PIGN: variants seen among roughly 807,000 people sequenced by gnomAD.
PIGN encodes the protein phosphatidylinositol glycan anchor biosynthesis class N.
PIGN carries 117 observed loss-of-function variants against 125.4 expected under a neutral mutation model. That is an observed-to-expected ratio of 0.93 (90% confidence interval 0.80 to 1.09). PIGN has a LOEUF of 1.09. Among genes scored for constraint, PIGN ranks in the 50% least tolerant of loss-of-function variants. The pLI is 0.00. For synonymous variants in PIGN, 392 were observed against 377.8 expected (o/e 1.04, Z -0.44); for missense variants, 1,075 against 1,094.9 (o/e 0.98, Z 0.26).
intron 22 of PIGN, among the ~76,000 whole-genome samples, chr18:62,099,900 G>A (rs893848455): frequency 6.6e-6 from 1 of 152,082 alleles, no homozygotes; most frequent in Non-Finnish European, 1.5e-5. Flanking sequence ...CAGGACAGTA[G>A]TCTGACAAAG....
chr18:62,148,269 A>C lies in PIGN; in HGVS notation c.619T>G (p.Phe207Val). The part of the protein sequence containing the change: ...SKINEEKIVF[F>V]LHLLGIDTNG... ...GTATCTATTCCTAATAAATGTAAGA[A>C]AAAAACTATTTTCTCTTCATTTATT... Residue 207 changes from phenylalanine (F) to valine (V), a missense_variant, in exon 8 of 31, where the codon TTC becomes GTC. Coordinates refer to ENST00000640252, the MANE Select transcript of PIGN (RefSeq NM_176787.5). 1 of 1,538,206 alleles carries C rather than the reference A, an allele frequency of 6.5e-7. No individual in the cohort carries two copies. Among genetic ancestry groups the C allele is most frequent in the Non-Finnish European group, 8.8e-7 (1 of 1,139,618 alleles).
At chr18:62,127,749 G>A (rs2035589923) in intron 14 of PIGN, among the ~76,000 whole-genome samples, 1 of 151,954 alleles carries the variant, frequency 6.6e-6, no homozygotes, top group Non-Finnish European at 1.5e-5. Context: ...GGAACGCAGT[G>A]GTGTGACTGA....
rs2030408192 is a variant in PIGN at position 62,042,293 on chromosome 18, C to A, written c.*3563G>T. The A allele has an allele frequency of 6.6e-6, 1 of 151,864 alleles. No individual in the cohort carries two copies. The highest frequency in any genetic ancestry group is 1.5e-5 in the Non-Finnish European group (1 of 67,982). The allele number at this position is 151,864 out of a possible 1,614,324, so 9.4% of individuals were successfully genotyped here. A position where few individuals can be genotyped will look rare whatever the true frequency, so the allele number is the denominator to read the frequency against. ...CTGACATTGCGCCACTGCATTCCAG[C>A]CTTGGCGAGAGAGCCAGAGTCTGTC... On this transcript the variant is annotated 3_prime_UTR_variant, in exon 31 of 31. Coordinates refer to ENST00000640252, the MANE Select transcript of PIGN (RefSeq NM_176787.5).
chr18:62,128,176 A>G (rs921188319), intron 14 of PIGN, among the ~76,000 whole-genome samples: 1 of 152,210 alleles, frequency 6.6e-6, no homozygotes, highest in Non-Finnish European at 1.5e-5. Flanking sequence ...TCACTATACT[A>G]TTCATGACAT....
rs2036038544 is a variant in PIGN, at chr18:62,139,042, C to A, written c.1057G>T (p.Asp353Tyr). ...ILPVDYLNNTDLFKAESMFTN... is the reference protein window; with the variant it reads ...ILPVDYLNNTYLFKAESMFTN... ...AACATGCTCTCTGCTTTGAAGAGAT[C>A]AGTGTTGTTAAGATAATCCACAGGA... Residue 353 changes from aspartate (D) to tyrosine (Y), a missense_variant, in exon 13 of 31, where the codon GAT becomes TAT. Physicochemically the swap from Asp to Tyr is radical, Grantham distance 160 (BLOSUM62 -3). Coordinates refer to ENST00000640252, the MANE Select transcript of PIGN (RefSeq NM_176787.5). 1 of 1,607,766 alleles carries A rather than the reference C, an allele frequency of 6.2e-7. No homozygotes were observed.
At position 62,108,426 on chromosome 18, in the gene PIGN, A is replaced by C. The variant is rs118105700; in HGVS notation, c.1575-1341T>G. ...AAACCTTTTGTTCTAAAAGTTTAAAAACCAGACTAAATGACATTTTTAAAA... is the reference window on the plus strand; with the variant it reads ...AAACCTTTTGTTCTAAAAGTTTAAACACCAGACTAAATGACATTTTTAAAA... On this transcript the variant is annotated intron_variant, in intron 17 of 30. Transcript: ENST00000640252. Among the ~76,000 whole-genome samples the C allele has an allele frequency of 1.4e-3, 209 of 152,226 alleles. 1 individual carries two copies. In the East Asian group the frequency reaches 0.025, roughly 18 times the overall value.
At chr18:62,156,968 A>G (rs1281872030) in intron 6 of PIGN, among the ~76,000 whole-genome samples, 161 bp downstream of exon 6, 1 of 151,912 alleles carries the variant, frequency 6.6e-6, no homozygotes, top group African/African-American at 2.4e-5. Context: ...ACTAAGAAGG[A>G]AAAAAAAATA....
At chr18:62,126,917 GAATGATTCAACTTCCATTGTACCTT>G (rs1193842146) in intron 14 of PIGN, among the ~76,000 whole-genome samples, 1 of 152,102 alleles carries the variant, frequency 6.6e-6, no homozygotes, top group Non-Finnish European at 1.5e-5. Context: ...CTTAATTGTT[GAATGATTCAACTTCCATTGTACCTT>G]AATGATTCAA....
chr18:62,126,050 T>G (rs1179812395), intron 14 of PIGN, among the ~76,000 whole-genome samples: 1 of 152,004 alleles, frequency 6.6e-6, no homozygotes, highest in East Asian at 1.9e-4. Flanking sequence ...TAAAACAGCA[T>G]GAGAAAAAAA....
intron 28 of PIGN, chr18:62,075,749 G>A (rs2033138464): frequency 6.6e-6 from 1 of 152,196 alleles, no homozygotes; most frequent in African/African-American, 2.4e-5. Context: ...TCATACAACA[G>A]TAGCATGTTT....
chr18:62,086,544 C>T (rs1599484873), intron 25 of PIGN, among the ~76,000 whole-genome samples: 1 of 151,264 alleles, frequency 6.6e-6, no homozygotes, highest in Admixed American at 6.6e-5. Flanking sequence ...TTGAACCCGG[C>T]AAGTGGAGGT....
intron 14 of PIGN, among the ~76,000 whole-genome samples, chr18:62,127,675 T>G (rs116884802): frequency 0.062 from 4,156 of 67,000 alleles, 65 homozygotes; most frequent in Middle Eastern, 0.18. Context: ...AACAGTCTGG[T>G]TTTTTTGTGT....
In PIGN at chr18:62,113,279, T is replaced by A; in HGVS notation, c.1289A>T (p.Lys430Ile). The change falls in exon 16 of 31, where the codon AAA becomes ATA. Residue 430 changes from lysine (K) to isoleucine (I), a missense_variant. Lys to Ile is a moderately radical substitution (Grantham distance 102, BLOSUM62 -3). Transcript: ENST00000640252. ...ATATGTGTGATAATAGGACAATCCT[T>A]TCAATGCAAGATGAATTAGCTCCTT... is the stretch of plus-strand genomic sequence containing the variant. ...LCKELIHLAL[K>I]GLSYYHTYDR... 1 of 1,612,028 alleles carries A rather than the reference T, an allele frequency of 6.2e-7. No individual in the cohort carries two copies. Among genetic ancestry groups the A allele is most frequent in the Non-Finnish European group, 8.5e-7 (1 of 1,179,036 alleles).
intron 14 of PIGN, among the ~76,000 whole-genome samples, chr18:62,126,445 C>T (rs527315895): frequency 2.6e-5 from 4 of 152,154 alleles, no homozygotes; most frequent in African/African-American, 9.6e-5. Flanking sequence ...AGCAAAAGAA[C>T]TAGTGTAAAC....
chr18:62,173,382 A>C (rs2037406671), intron 1 of PIGN, among the ~76,000 whole-genome samples: 1 of 151,954 alleles, frequency 6.6e-6, no homozygotes. Flanking sequence ...AAGGTGTGCC[A>C]CTACACCTGG....
intron 23 of PIGN, among the ~76,000 whole-genome samples, chr18:62,020,507 G>GTT (rs35743229): frequency 9.1e-4 from 135 of 148,284 alleles, no homozygotes; most frequent in East Asian, 5.2e-3. Context: ...CTTTAAAACA[G>GTT]TTTTTTTTTT....
intron 14 of PIGN, among the ~76,000 whole-genome samples, chr18:62,121,776 G>A (rs534922264): frequency 6.6e-6 from 1 of 151,914 alleles, no homozygotes; most frequent in Admixed American, 6.6e-5. Flanking sequence ...TCTACTGATG[G>A]GCACTTAGAT....
intron 21 of PIGN, 32 bp from the exon 22 acceptor site, chr18:62,101,215 G>A: frequency 1.6e-6 from 2 of 1,270,614 alleles, no homozygotes; most frequent in East Asian, 2.3e-5. Flanking sequence ...GTTAAAAAAA[G>A]AGAAGGTAGT....
intron 29 of PIGN, among the ~76,000 whole-genome samples, chr18:62,073,959 A>G (rs1373725947): frequency 6.6e-6 from 1 of 152,230 alleles, no homozygotes; most frequent in Non-Finnish European, 1.5e-5. Context: ...CCATATTACC[A>G]GCTGTATCCC....
Sources: allele counts gnomAD v4.1 joint callset (sites outside exome capture counted in the v4.1 genomes callset), GRCh38; gene constraint gnomAD v4.1.1; transcripts MANE v1.5; gene names NCBI Gene and HGNC (gene_info 2026-07-23, HGNC 2026-07-21).